The following PARP6 variants were observed in gnomAD, a reference collection of about 807,000 sequenced individuals.
PARP6 encodes poly(ADP-ribose) polymerase family member 6.
PARP6 carries 27 observed loss-of-function variants against 92.0 expected under a neutral mutation model. The observed-to-expected ratio is 0.29, with a 90% confidence interval of 0.22 to 0.40. PARP6 has a LOEUF of 0.40. PARP6 is among the 10% of genes least tolerant of loss of function. PARP6 has a pLI of 1.00. For synonymous variants in PARP6, 272 were observed against 281.2 expected, an observed-to-expected ratio of 0.97 and a Z score of 0.33; for missense variants, 501 against 784.5, an observed-to-expected ratio of 0.64 and a Z score of 4.32.
chr15:72,256,256 C>T (rs2085113037), intron 14 of PARP6, among the ~76,000 whole-genome samples: 1 of 152,180 alleles, frequency 6.6e-6, no homozygotes, highest in Non-Finnish European at 1.5e-5. Flanking sequence ...TCCAAAAGCC[C>T]TTTTTCCCTA....
intron 15 of PARP6, chr15:72,253,797 A>G (rs1225077008): frequency 1.8e-6 from 1 of 547,950 alleles, no homozygotes; most frequent in Non-Finnish European, 3.5e-6. Context: ...AAATAAATAA[A>G]ATCAATGTCC....
chr15:72,268,629 C>T (rs964611478), intron 2 of PARP6, among the ~76,000 whole-genome samples: 5 of 152,106 alleles, frequency 3.3e-5, no homozygotes, highest in Non-Finnish European at 5.9e-5. Flanking sequence ...ATCCGGGAGG[C>T]GGAGATTGCA....
At position 72,242,175 on chromosome 15, in the gene PARP6, A is replaced by T. The variant is rs761824034; in HGVS notation, c.1687T>A (p.Cys563Ser). ...TACCTACCTTCACAAAGTGCTATACAGTTTAGATTCCGACTCTGCAGGAAC... is the reference window on the plus strand; with the variant it reads ...TACCTACCTTCACAAAGTGCTATACTGTTTAGATTCCGACTCTGCAGGAAC... ...SRFLQSRNLNCIALCEVITSK... is the reference protein window; with the variant it reads ...SRFLQSRNLNSIALCEVITSK... Residue 563 changes from cysteine (C) to serine (S), a missense_variant, in exon 22 of 24, where the codon TGT becomes AGT. Cys to Ser is a moderately radical substitution (Grantham distance 112). Transcript: ENST00000569795. The surrounding 1 kb of genome is among the most constrained non-coding windows in gnomAD (Gnocchi z 4.3). 5.0e-6 allele frequency: 8 copies of T among 1,614,086 alleles called. No homozygotes were observed. Among genetic ancestry groups the T allele is most frequent in the Non-Finnish European group, 4.2e-6 (5 of 1,179,948 alleles).
chr15:72,264,142 A>G (rs1467233432), intron 8 of PARP6, among the ~76,000 whole-genome samples: 4 of 152,158 alleles, frequency 2.6e-5, no homozygotes, highest in Non-Finnish European at 4.4e-5. Flanking sequence ...AGTGGACTCT[A>G]TTTGAAACTT....
chr15:72,263,808 G>C (rs574812037), intron 8 of PARP6, among the ~76,000 whole-genome samples: 38 of 152,158 alleles, frequency 2.5e-4, no homozygotes, highest in African/African-American at 9.2e-4. Flanking sequence ...GATCACTTGA[G>C]GCCAGGAGTT....
chr15:72,256,886 C>CTTT (rs1159759666), intron 13 of PARP6, among the ~76,000 whole-genome samples: 1 of 151,936 alleles, frequency 6.6e-6, no homozygotes, highest in Non-Finnish European at 1.5e-5. Flanking sequence ...CTCTCTCATT[C>CTTT]TTTTTTAAAG....
At chr15:72,253,018 A>T (rs1400416950) in intron 16 of PARP6, among the ~76,000 whole-genome samples, 1 of 145,314 alleles carries the variant, frequency 6.9e-6, no homozygotes, top group African/African-American at 2.5e-5. Context: ...CATCTCTATT[A>T]AAAAAAAAAA....
intron 7 of PARP6, among the ~76,000 whole-genome samples, chr15:72,264,873 A>G (rs1457503260): frequency 6.6e-6 from 1 of 152,220 alleles, no homozygotes; most frequent in East Asian, 1.9e-4. Context: ...AGAGAAAACA[A>G]TGTCATTAGG....
At chr15:72,255,792 T>C (rs1405390752) in intron 14 of PARP6, among the ~76,000 whole-genome samples, 26 of 96,030 alleles carry the variant, frequency 2.7e-4, no homozygotes, top group Admixed American at 4.2e-4. Context: ...CTCTTTTTTT[T>C]TTTTTTTTTT....
At chr15:72,254,633 G>C (rs2084824263) in intron 14 of PARP6, 113 bp from the exon 15 acceptor site, 17 of 726,804 alleles carry the variant, frequency 2.3e-5, no homozygotes, top group Non-Finnish European at 4.1e-5. Flanking sequence ...GGAAACAATA[G>C]TATGTCATGG....
At chr15:72,247,335 T>C (rs1030303410) in intron 20 of PARP6, among the ~76,000 whole-genome samples, 2 of 151,946 alleles carry the variant, frequency 1.3e-5, no homozygotes, top group African/African-American at 4.8e-5. Context: ...CTGCCAGACC[T>C]GGTTATTTTT....
intron 14 of PARP6, 49 bp downstream of exon 14, chr15:72,256,416 A>C (rs777065629): frequency 1.3e-5 from 19 of 1,431,108 alleles, no homozygotes; most frequent in Non-Finnish European, 1.8e-5. Flanking sequence ...GTCTGCCACT[A>C]TCTTTTATCA....
chr15:72,265,399 C>T lies in PARP6; in HGVS notation c.237+14G>A. On this transcript the variant is annotated intron_variant, in intron 6 of 23. Coordinates refer to ENST00000569795, the MANE Select transcript of PARP6 (RefSeq NM_001323532.2). ...CAGCTAGACATGTTGTTGGCAGGTA[C>T]TAGCCCCACTTACATCGAGGAAGCT... 4 of 1,609,406 alleles carry T rather than the reference C, an allele frequency of 2.5e-6. No homozygotes were observed. The highest frequency in any genetic ancestry group is 2.6e-6 in the Non-Finnish European group (3 of 1,175,680).
In PARP6 at chr15:72,241,960, C is replaced by A; in HGVS notation, c.1731G>T (p.Lys577Asn). ...CEVITSKDLQKHGNIWVCPVS... is the reference protein window; with the variant it reads ...CEVITSKDLQNHGNIWVCPVS... ...CAGGGCACACCCAGATGTTCCCATGCTTCTGGAGGTCCTTAGATGTAATCA... is the reference window on the plus strand; with the variant it reads ...CAGGGCACACCCAGATGTTCCCATGATTCTGGAGGTCCTTAGATGTAATCA... Residue 577 changes from lysine (K) to asparagine (N), a missense_variant, in exon 23 of 24, where the codon AAG becomes AAT. Around this residue, in one of 4 missense-constraint regions of PARP6, gnomAD observed 191 missense variants for 399.1 expected, o/e 0.48. Coordinates refer to ENST00000569795, the MANE Select transcript of PARP6 (RefSeq NM_001323532.2). This position sits in a 1 kb window ranked among gnomAD's most constrained non-coding sequence, Gnocchi z 4.1. 1 of 1,613,578 alleles carries A rather than the reference C, an allele frequency of 6.2e-7. No individual in the cohort carries two copies. Among genetic ancestry groups the A allele is most frequent in the Non-Finnish European group, 8.5e-7 (1 of 1,179,442 alleles).
chr15:72,257,516 C>A (rs1403925977), intron 12 of PARP6, 76 bp from the exon 13 acceptor site: 1 of 1,127,724 alleles, frequency 8.9e-7, no homozygotes, highest in Non-Finnish European at 1.3e-6. Flanking sequence ...ACAGTCCTAA[C>A]CTCAGACAAC....
intron 2 of PARP6, among the ~76,000 whole-genome samples, chr15:72,270,597 T>C (rs183514755): frequency 1.5e-3 from 230 of 152,306 alleles, no homozygotes; most frequent in African/African-American, 5.2e-3. Context: ...ATTCCCGCCA[T>C]AGAGCCTTTG....
intron 11 of PARP6, 80 bp downstream of exon 11, chr15:72,259,528 G>C (rs1302901491): frequency 9.4e-7 from 1 of 1,066,856 alleles, no homozygotes; most frequent in African/African-American, 1.6e-5. Context: ...GTATTTGATT[G>C]AGGAGCTGGG....
chr15:72,259,537 G>C, intron 11 of PARP6, 71 bp downstream of exon 11: 1 of 1,167,562 alleles, frequency 8.6e-7, no homozygotes, highest in Non-Finnish European at 1.3e-6. Context: ...TGAGGAGCTG[G>C]GAGGTGTTAG....
Position 72,250,906 on chromosome 15 carries a change from G to C in PARP6, c.1357C>G (p.Pro453Ala). 6.2e-7 allele frequency: 1 copy of C among 1,613,826 alleles called. No individual in the cohort carries two copies. The highest frequency in any genetic ancestry group is 8.5e-7 in the Non-Finnish European group (1 of 1,179,906). Residue 453 changes from proline (P) to alanine (A), a missense_variant, in exon 18 of 24, where the codon CCT (proline) becomes GCT (alanine). Transcript: ENST00000569795. ...SHQFLLLSSP[P>A]AKEARFRTAK... ...GTCCGGAACCGAGCCTCCTTGGCAG[G>C]AGGGCTGCTCAGCAGGAGGAACTGG...
Sources: gnomAD v4.1 joint callset for allele counts (sites outside exome capture counted in the v4.1 genomes callset) on GRCh38, gnomAD v4.1.1 for gene constraint, gnomAD v4.1.1 regional missense constraint, Gnocchi (gnomAD v3.1) non-coding constraint, MANE v1.5 for transcripts, NCBI Gene and HGNC (gene_info 2026-07-23, HGNC 2026-07-21) for gene names.